The following PCDH7 variants were observed in gnomAD, a reference collection of about 807,000 sequenced individuals.
The protein encoded by PCDH7 is protocadherin-7.
In PCDH7, 17 loss-of-function variants were observed where a neutral mutation model predicts 58.9. That is an observed-to-expected ratio of 0.29 (90% confidence interval 0.20 to 0.43). The LOEUF is 0.43. Ranked by LOEUF, PCDH7 falls within the 20% of genes least tolerant of loss-of-function variation. The pLI, the probability that PCDH7 is intolerant of heterozygous loss-of-function variation, is 1.00. For synonymous variants in PCDH7, 664 were observed against 616.4 expected (o/e 1.08, Z -1.14); for missense variants, 1,274 against 1,441.0 (o/e 0.88, Z 1.88).
intron 2 of PCDH7, among the ~76,000 whole-genome samples, chr4:30,926,314 A>T (rs1743864311): frequency 6.6e-6 from 1 of 151,862 alleles, no homozygotes; most frequent in African/African-American, 2.4e-5. Context: ...CCTCCAGAGT[A>T]GCTGGGACTA....
chr4:31,021,969 T>C (rs1754058233), intron 3 of PCDH7, among the ~76,000 whole-genome samples: 1 of 152,222 alleles, frequency 6.6e-6, no homozygotes, highest in Admixed American at 6.5e-5. Context: ...AAGGTGAATG[T>C]ACCTTTGGTT....
intron 1 of PCDH7, among the ~76,000 whole-genome samples, chr4:30,891,431 CAG>C (rs1361272645): frequency 3.9e-5 from 6 of 151,992 alleles, no homozygotes; most frequent in African/African-American, 1.4e-4. Flanking sequence ...TTACTGAAGC[CAG>C]AGTGTCATTT....
chr4:30,890,280 A>G (rs1738440073), intron 1 of PCDH7, among the ~76,000 whole-genome samples: 1 of 152,134 alleles, frequency 6.6e-6, no homozygotes, highest in Admixed American at 6.6e-5. Flanking sequence ...ACTTTCATTT[A>G]ATGCAATTCA....
exon 4 of PCDH7, chr4:31,142,951 C>A (rs930222676): frequency 1.2e-5 from 10 of 851,004 alleles, no homozygotes; most frequent in Admixed American, 3.0e-5. Context: ...AGGGGGCTAC[C>A]AAAGAGACAA....
At chr4:30,945,230 C>T (rs1746530685) in intron 2 of PCDH7, among the ~76,000 whole-genome samples, 1 of 151,962 alleles carries the variant, frequency 6.6e-6, no homozygotes, top group Admixed American at 6.6e-5. Context: ...ACTATTAATA[C>T]AGCATACTTC....
intron 1 of PCDH7, among the ~76,000 whole-genome samples, chr4:30,786,092 A>T (rs1035839290): frequency 3.3e-5 from 5 of 152,120 alleles, no homozygotes; most frequent in African/African-American, 1.2e-4. Context: ...CAAACTAGAA[A>T]CAAAGTTAGG....
Position 30,722,679 on chromosome 4 carries a change from G to A in PCDH7, c.1257G>A (p.Lys419=). 1 of 1,613,638 alleles carries A rather than the reference G, an allele frequency of 6.2e-7. No individual in the cohort carries two copies. The highest frequency in any genetic ancestry group is 8.5e-7 in the Non-Finnish European group (1 of 1,180,036). Residue 419 remains lysine, a synonymous_variant, in exon 1 of 2, where the codon AAG becomes AAA. Transcript: ENST00000361762. This position sits in a 1 kb window ranked among gnomAD's most constrained non-coding sequence, Gnocchi z 7.6. ...ACGTGCCGTCCATTGAAATCCGCAA[G>A]ATTGGGCGCATCCCCCTCAAGGACG... is the stretch of plus-strand genomic sequence containing the variant.
intron 1 of PCDH7, among the ~76,000 whole-genome samples, chr4:30,750,442 T>C (rs1718359406): frequency 6.6e-6 from 1 of 152,154 alleles, no homozygotes; most frequent in Admixed American, 6.5e-5. Context: ...TAGGTGTATA[T>C]GAGTCTAGAT....
chr4:30,834,847 A>T (rs540818618), intron 1 of PCDH7, among the ~76,000 whole-genome samples: 1 of 151,688 alleles, frequency 6.6e-6, no homozygotes, highest in Non-Finnish European at 1.5e-5. Context: ...ACAAAGCAAT[A>T]TTTTTCCACT....
chr4:31,094,572 T>G (rs1171337011), intron 3 of PCDH7, among the ~76,000 whole-genome samples: 1 of 152,180 alleles, frequency 6.6e-6, no homozygotes, highest in Non-Finnish European at 1.5e-5. Flanking sequence ...AAAGCATTTG[T>G]GATCAACAGA....
chr4:31,135,899 A>T (rs553585001), intron 3 of PCDH7, among the ~76,000 whole-genome samples: 4 of 152,332 alleles, frequency 2.6e-5, no homozygotes, highest in Admixed American at 2.6e-4. Flanking sequence ...GGGATTGTGC[A>T]CCTGAAGCAA....
chr4:30,862,357 A>G (rs1398973516), intron 1 of PCDH7, among the ~76,000 whole-genome samples: 1 of 152,162 alleles, frequency 6.6e-6, no homozygotes, highest in Non-Finnish European at 1.5e-5. Context: ...TCAGAATCAC[A>G]TTATTCTCTC....
At chr4:31,086,507 T>C (rs1406491173) in intron 3 of PCDH7, among the ~76,000 whole-genome samples, 3 of 152,166 alleles carry the variant, frequency 2.0e-5, no homozygotes, top group Admixed American at 2.0e-4. Context: ...TGTATTATCA[T>C]ACTTAATAAG....
At chr4:31,066,056 C>G (rs183986391) in intron 3 of PCDH7, among the ~76,000 whole-genome samples, 2 of 151,864 alleles carry the variant, frequency 1.3e-5, no homozygotes, top group African/African-American at 4.8e-5. Context: ...TTCTATCACA[C>G]TAACCAATGA....
At chr4:30,918,350 G>C (rs2109412827) in intron 1 of PCDH7, among the ~76,000 whole-genome samples, 1 of 152,116 alleles carries the variant, frequency 6.6e-6, no homozygotes, top group Non-Finnish European at 1.5e-5. Context: ...GGGTGGGTGA[G>C]GGTTGGGAGA....
chr4:30,950,437 T>C (rs558704008), intron 3 of PCDH7, among the ~76,000 whole-genome samples: 52 of 152,306 alleles, frequency 3.4e-4, no homozygotes, highest in African/African-American at 1.2e-3. Flanking sequence ...GAATTAATGA[T>C]ATTATTCTCA....
chr4:30,784,274 A>T (rs1723137599), intron 1 of PCDH7, among the ~76,000 whole-genome samples: 1 of 152,186 alleles, frequency 6.6e-6, no homozygotes. Context: ...GTGATTCAAG[A>T]TAGGCACTTT....
intron 3 of PCDH7, among the ~76,000 whole-genome samples, chr4:31,043,741 T>C (rs192407401): frequency 6.6e-6 from 1 of 150,948 alleles, no homozygotes; most frequent in African/African-American, 2.4e-5. Context: ...GTGTAGATTG[T>C]TTGTTCACTC....
chr4:31,027,280 C>A (rs922168703), intron 3 of PCDH7, among the ~76,000 whole-genome samples: 1 of 152,134 alleles, frequency 6.6e-6, no homozygotes, highest in Admixed American at 6.5e-5. Context: ...AGAAAAATTT[C>A]GCTCTGCATT....
Sources: gnomAD v4.1 joint callset for allele counts (sites outside exome capture counted in the v4.1 genomes callset) on GRCh38, gnomAD v4.1.1 for gene constraint, Gnocchi (gnomAD v3.1) non-coding constraint, MANE v1.5 for transcripts, NCBI Gene and HGNC (gene_info 2026-07-23, HGNC 2026-07-21) for gene names.